TNIK: variants seen among roughly 807,000 people sequenced by gnomAD.
The protein encoded by TNIK is TRAF2 and NCK interacting kinase.
Under a neutral mutation model 191.3 loss-of-function variants are expected in TNIK, and 49 were observed. The ratio of observed to expected loss-of-function variants is 0.26; its 90% confidence interval spans 0.20 to 0.32. The LOEUF (loss-of-function observed/expected upper bound fraction) is 0.32. Ranked by LOEUF, TNIK falls within the 10% of genes least tolerant of loss-of-function variation. TNIK has a pLI of 1.00. For synonymous variants in TNIK, 594 were observed against 600.9 expected (o/e 0.99, Z 0.17); for missense variants, 1,155 against 1,702.3 (o/e 0.68, Z 5.66).
chr3:171,121,834 AAG>A (rs1261992834), intron 18 of TNIK, among the ~76,000 whole-genome samples: 1 of 152,186 alleles, frequency 6.6e-6, no homozygotes. Flanking sequence ...ATAGCATAAA[AAG>A]GGGTGTTCTG....
rs937722667 is a variant in TNIK, at chr3:171,451,681, T to C, written c.57+8326A>G. 2.2e-4 allele frequency among the ~76,000 whole-genome samples: 34 copies of C among 152,292 alleles called. 2 individuals carry two copies. The highest frequency in any genetic ancestry group is 1.5e-3 in the Admixed American group (23 of 15,294). On this transcript the variant is annotated intron_variant, in intron 1 of 32. Coordinates refer to ENST00000436636, the MANE Select transcript of TNIK (RefSeq NM_015028.4). Reference sequence around the variant, plus strand: ...TATTCACAAAACAGAAAAAAATCAGTGTGGCTAGAGTGTAGTAAAAGACAA... The same window carrying C: ...TATTCACAAAACAGAAAAAAATCAGCGTGGCTAGAGTGTAGTAAAAGACAA...
At chr3:171,070,590 A>G (rs570948326) in intron 29 of TNIK, among the ~76,000 whole-genome samples, 1 of 152,310 alleles carries the variant, frequency 6.6e-6, no homozygotes, top group African/African-American at 2.4e-5. Flanking sequence ...TTCGGGTGTC[A>G]GCTTCATGAG....
chr3:171,446,277 A>C (rs1727483466), intron 1 of TNIK, among the ~76,000 whole-genome samples: 3 of 152,194 alleles, frequency 2.0e-5, no homozygotes, highest in Admixed American at 6.5e-5. Context: ...ATAAATGCTA[A>C]ATATTATTAT....
intron 2 of TNIK, among the ~76,000 whole-genome samples, chr3:171,349,389 A>T (rs183436691): frequency 1.5e-4 from 23 of 152,322 alleles, no homozygotes; most frequent in Admixed American, 1.5e-3. Context: ...CTTGTATTGT[A>T]CAAAGAGAGG....
intron 21 of TNIK, among the ~76,000 whole-genome samples, chr3:171,104,575 T>C (rs1456037442): frequency 6.6e-6 from 1 of 151,392 alleles, no homozygotes; most frequent in African/African-American, 2.4e-5. Flanking sequence ...ATATAATTTT[T>C]CATTCAACAA....
At chr3:171,131,211 G>A (rs1280069184) in intron 15 of TNIK, among the ~76,000 whole-genome samples, 1 of 150,850 alleles carries the variant, frequency 6.6e-6, no homozygotes, top group African/African-American at 2.4e-5. Context: ...GGTAGCGGGC[G>A]CCGGTAGTCC....
chr3:171,119,729 T>C (rs985060202), intron 18 of TNIK, among the ~76,000 whole-genome samples: 7 of 146,828 alleles, frequency 4.8e-5, no homozygotes, highest in African/African-American at 1.8e-4. Flanking sequence ...TTCTCACTCA[T>C]AGGTGGGAAT....
chr3:171,199,478 A>G (rs1050768250), intron 4 of TNIK, among the ~76,000 whole-genome samples: 2 of 152,258 alleles, frequency 1.3e-5, no homozygotes, highest in Non-Finnish European at 2.9e-5. Context: ...ATACTTTCTA[A>G]CATTTACTGA....
At chr3:171,107,749 CTT>C (rs1375204673) in intron 20 of TNIK, among the ~76,000 whole-genome samples, 3 of 152,140 alleles carry the variant, frequency 2.0e-5, no homozygotes, top group African/African-American at 7.2e-5. Context: ...ACCCAAGTCT[CTT>C]TAACTGCTAC....
intron 7 of TNIK, among the ~76,000 whole-genome samples, chr3:171,183,492 G>A (rs1409470079): frequency 1.3e-5 from 2 of 152,204 alleles, no homozygotes; most frequent in Non-Finnish European, 2.9e-5. Flanking sequence ...TGCATTGTGT[G>A]TATGGTCCCT....
intron 1 of TNIK, among the ~76,000 whole-genome samples, chr3:171,434,256 A>G (rs888764777): frequency 5.9e-5 from 9 of 151,854 alleles, no homozygotes; most frequent in Admixed American, 1.3e-4. Flanking sequence ...TTTTTCAAAT[A>G]TATTTTGTAA....
chr3:171,250,602 C>A (rs1307802733), intron 2 of TNIK, among the ~76,000 whole-genome samples: 1 of 152,202 alleles, frequency 6.6e-6, no homozygotes, highest in African/African-American at 2.4e-5. Context: ...ACTCCTTCAG[C>A]TGTGGGAGGT....
intron 1 of TNIK, among the ~76,000 whole-genome samples, chr3:171,411,829 G>A (rs373719051): frequency 2.0e-5 from 3 of 152,098 alleles, no homozygotes; most frequent in Non-Finnish European, 4.4e-5. Flanking sequence ...GCTGATCCCC[G>A]CCAGCAACTT....
chr3:171,085,044 A>T, intron 25 of TNIK, 74 bp downstream of exon 25: 1 of 1,235,006 alleles, frequency 8.1e-7, no homozygotes, highest in Non-Finnish European at 1.1e-6. Context: ...TGAACTGAGG[A>T]TTAATTTCCT....
At chr3:171,292,025 G>A in intron 2 of TNIK, among the ~76,000 whole-genome samples, 1 of 152,140 alleles carries the variant, frequency 6.6e-6, no homozygotes, top group Non-Finnish European at 1.5e-5. Context: ...CCCATACAGA[G>A]GATTTTTTAA....
Position 171,085,204 on chromosome 3 carries a change from G to T in TNIK, c.2912C>A (p.Ala971Asp). ...GGGGTCCACAAAGGGGGTGAAGGAG[G>T]CTTTGGTGCTGCTCCCCATGCCATA... is the stretch of plus-strand genomic sequence containing the variant. ...TEYGMGSSTK[A>D]SFTPFVDPRV... is the part of the protein sequence containing the mutation. The change falls in exon 25 of 33, where the codon GCC becomes GAC. Residue 971 changes from alanine to aspartate, a missense_variant. Coordinates refer to ENST00000436636, the MANE Select transcript of TNIK (RefSeq NM_015028.4). The T allele has an allele frequency of 1.9e-6, 3 of 1,610,784 alleles. No individual in the cohort carries two copies. The highest frequency in any genetic ancestry group is 4.5e-5 in the East Asian group (2 of 44,836).
intron 2 of TNIK, among the ~76,000 whole-genome samples, chr3:171,362,590 A>G (rs181399772): frequency 2.7e-4 from 41 of 152,364 alleles, no homozygotes; most frequent in Middle Eastern, 3.4e-3. Flanking sequence ...AAGAACTGGC[A>G]CATGTGTTTG....
At chr3:171,120,401 A>G (rs1727514950) in intron 18 of TNIK, among the ~76,000 whole-genome samples, 1 of 148,158 alleles carries the variant, frequency 6.7e-6, no homozygotes, top group Non-Finnish European at 1.5e-5. Flanking sequence ...GCTCACTGCA[A>G]GCTCCGCTTC....
intron 20 of TNIK, 32 bp from the exon 21 acceptor site, chr3:171,107,238 C>A: frequency 6.2e-7 from 1 of 1,604,760 alleles, no homozygotes; most frequent in Non-Finnish European, 8.5e-7. Context: ...CCAGAAGAAT[C>A]CACAGAAGGA....
Sources: gnomAD v4.1 joint callset for allele counts (sites outside exome capture counted in the v4.1 genomes callset) on GRCh38, gnomAD v4.1.1 for gene constraint, MANE v1.5 for transcripts, NCBI Gene and HGNC (gene_info 2026-07-23, HGNC 2026-07-21) for gene names.